The following NSD3 variants were observed in gnomAD, a reference collection of about 807,000 sequenced individuals.
NSD3 encodes histone-lysine N-methyltransferase NSD3.
In NSD3, 24 loss-of-function variants were observed where a neutral mutation model predicts 160.8. The observed-to-expected ratio is 0.15, with a 90% CI of 0.11 to 0.21. The LOEUF is 0.21. Ranked by LOEUF, NSD3 falls within the 10% of genes least tolerant of loss-of-function variation. The pLI, the probability that NSD3 is intolerant of heterozygous loss-of-function variation, is 1.00. For missense variants in NSD3, 1,157 were observed against 1,735.9 expected, an observed-to-expected ratio of 0.67 and a Z score of 5.93; for synonymous variants, 520 against 600.0, an observed-to-expected ratio of 0.87 and a Z score of 1.95.
At chr8:38,281,617 C>T (rs1341898395) in intron 19 of NSD3, 34 bp from the exon 20 acceptor site, 1 of 1,453,640 alleles carries the variant, frequency 6.9e-7, no homozygotes, top group Non-Finnish European at 9.5e-7. Context: ...AACTTAAAAT[C>T]AGTGTATTAT....
At chr8:38,293,143 A>G (rs1809046307) in intron 16 of NSD3, among the ~76,000 whole-genome samples, 1 of 151,822 alleles carries the variant, frequency 6.6e-6, no homozygotes, top group Non-Finnish European at 1.5e-5. Context: ...CTCAAAAAAA[A>G]AAAAAAAAAG....
At chr8:38,355,325 G>A (rs1399022325) in intron 1 of NSD3, among the ~76,000 whole-genome samples, 1 of 151,892 alleles carries the variant, frequency 6.6e-6, no homozygotes, top group African/African-American at 2.4e-5. Flanking sequence ...TTAAGACAGT[G>A]CCTGGCATAC....
intron 23 of NSD3, 72 bp from the exon 24 acceptor site, chr8:38,275,954 A>T (rs1808591310): frequency 7.3e-7 from 1 of 1,365,708 alleles, no homozygotes. Context: ...CCCATGAAAA[A>T]CCCAGGTTCC....
intron 1 of NSD3, 52 bp from the exon 2 acceptor site, chr8:38,348,267 A>G (rs2150384004): frequency 1.4e-6 from 2 of 1,385,726 alleles, no homozygotes; most frequent in Non-Finnish European, 1.9e-6. Context: ...CATAGGCTAG[A>G]GGCTAATCAA....
At chr8:38,281,064 T>A (rs914698733) in intron 20 of NSD3, among the ~76,000 whole-genome samples, 1 of 152,176 alleles carries the variant, frequency 6.6e-6, no homozygotes, top group Non-Finnish European at 1.5e-5. Context: ...CCGAAAAGTT[T>A]TAATATACAG....
At chr8:38,283,807 T>A (rs1291064478) in intron 19 of NSD3, among the ~76,000 whole-genome samples, 2 of 152,132 alleles carry the variant, frequency 1.3e-5, no homozygotes, top group South Asian at 4.1e-4. Context: ...GATATGGAAT[T>A]CAGTTAGAAA....
chr8:38,378,083 T>A (rs982890175), intron 1 of NSD3, among the ~76,000 whole-genome samples: 1 of 152,204 alleles, frequency 6.6e-6, no homozygotes, highest in African/African-American at 2.4e-5. Flanking sequence ...AATGCTAACT[T>A]TATTTTTTTA....
chr8:38,285,918 T>G (rs1257952406), intron 19 of NSD3, among the ~76,000 whole-genome samples: 1 of 152,118 alleles, frequency 6.6e-6, no homozygotes, highest in Non-Finnish European at 1.5e-5. Flanking sequence ...ACTCTAATGG[T>G]CTCCCTTTAT....
chr8:38,371,131 A>G (rs1811235458), intron 1 of NSD3, among the ~76,000 whole-genome samples: 1 of 152,058 alleles, frequency 6.6e-6, no homozygotes, highest in African/African-American at 2.4e-5. Flanking sequence ...ATATTACAAA[A>G]TAATATGGAT....
At chr8:38,359,513 G>C (rs778562907) in intron 1 of NSD3, among the ~76,000 whole-genome samples, 5 of 152,144 alleles carry the variant, frequency 3.3e-5, no homozygotes, top group Non-Finnish European at 7.4e-5. Flanking sequence ...GTGGACTTCT[G>C]GAGGAAACAA....
Position 38,365,079 on chromosome 8 carries a change from G to A in NSD3, c.-45+16720C>T, listed in dbSNP as rs139968215. On this transcript the variant is annotated intron_variant, in intron 1 of 23. Transcript: ENST00000317025. ...GTTTGTTTCCCTTTTCCAGCTCCAT[G>A]AGGCAGATAGAATTTATTTAGTATA... Among the ~76,000 whole-genome samples, 419 of 152,264 alleles carry A rather than the reference G, an allele frequency of 2.8e-3. 1 individual carries two copies. The highest frequency in any genetic ancestry group is 9.8e-3 in the African/African-American group (409 of 41,538).
intron 19 of NSD3, among the ~76,000 whole-genome samples, chr8:38,284,462 C>T (rs760847814): frequency 1.6e-4 from 25 of 152,194 alleles, no homozygotes; most frequent in Admixed American, 1.2e-3. Context: ...GATCTTGGCC[C>T]ACTGCAACCT....
intron 1 of NSD3, among the ~76,000 whole-genome samples, chr8:38,378,127 A>G (rs372444040): frequency 7.2e-5 from 11 of 152,272 alleles, no homozygotes; most frequent in African/African-American, 2.4e-4. Context: ...TGAATATGTG[A>G]ATAACTTTTT....
chr8:38,298,010 T>C (rs1416857423), intron 15 of NSD3, among the ~76,000 whole-genome samples: 1 of 151,998 alleles, frequency 6.6e-6, no homozygotes, highest in Non-Finnish European at 1.5e-5. Flanking sequence ...AAAATCATCA[T>C]GATAAAGATG....
In NSD3 at chr8:38,350,971, TTC is replaced by T. The variant is rs1299194570; in HGVS notation, c.-44-2758_-44-2757del. Among the ~76,000 whole-genome samples, 16 of 142,598 alleles carry T rather than the reference TTC, an allele frequency of 1.1e-4. 1 individual carries two copies. Among genetic ancestry groups the T allele is most frequent in the Admixed American group, 7.1e-4 (10 of 14,086 alleles). The allele number at this position is 142,598 out of a possible 152,430, so 93.5% of individuals were successfully genotyped here. A position where few individuals can be genotyped will look rare whatever the true frequency, so the allele number is the denominator to read the frequency against. On this transcript the variant is annotated intron_variant, in intron 1 of 23. Transcript: ENST00000317025. Reference sequence around the variant, plus strand: ...TCCAACAAACATTTCTTCTAGAAAGTTCTTTTTTTTTTTTTTTTGAGATGGAG... The same window carrying T: ...TCCAACAAACATTTCTTCTAGAAAGTTTTTTTTTTTTTTTTTGAGATGGAG...
chr8:38,317,791 A>AG lies in NSD3; in HGVS notation c.1855+1103_1855+1104insC. On this transcript the variant is annotated intron_variant, in intron 9 of 23. Transcript: ENST00000317025. This position sits in a 1 kb window ranked among gnomAD's most constrained non-coding sequence, Gnocchi z 5.3. ...AAAAAAATCATTTGACTGTTAAAGC[A>AG]ATTGTTCAGAGTCTTGAAGAAGAAA... is the stretch of plus-strand genomic sequence containing the variant. The AG allele has an allele frequency of 7.0e-7, 1 of 1,437,984 alleles. No individual in the cohort carries two copies. The highest frequency in any genetic ancestry group is 9.1e-7 in the Non-Finnish European group (1 of 1,100,118). The allele number at this position is 1,437,984 out of a possible 1,614,324, so 89.1% of individuals were successfully genotyped here.
chr8:38,379,576 G>C (rs1007534138), intron 1 of NSD3, among the ~76,000 whole-genome samples: 35 of 151,590 alleles, frequency 2.3e-4, no homozygotes, highest in Admixed American at 3.9e-4. Context: ...AAGCTGAGAG[G>C]GTGCTTTTAG....
In NSD3 at chr8:38,321,764, G is replaced by C. The variant is rs1224893657; in HGVS notation, c.1709-592C>G. ...CATTAATTTGACTATCAAGGGATCT[G>C]TTATACTCTGGAAATAATTAGTCGT... On this transcript the variant is annotated intron_variant, in intron 7 of 23. Transcript: ENST00000317025. The surrounding 1 kb of genome is among the most constrained non-coding windows in gnomAD (Gnocchi z 4.7). 1.3e-5 allele frequency among the ~76,000 whole-genome samples: 2 copies of C among 152,170 alleles called. No homozygotes were observed. The highest frequency in any genetic ancestry group is 2.9e-5 in the Non-Finnish European group (2 of 68,022).
At chr8:38,345,897 G>A (rs933512063) in intron 2 of NSD3, among the ~76,000 whole-genome samples, 2 of 152,046 alleles carry the variant, frequency 1.3e-5, no homozygotes, top group African/African-American at 2.4e-5. Flanking sequence ...CAATAAGAGT[G>A]AAACTCCGTC....
Sources: allele counts gnomAD v4.1 joint callset (sites outside exome capture counted in the v4.1 genomes callset), GRCh38; gene constraint gnomAD v4.1.1; non-coding constraint Gnocchi (gnomAD v3.1); transcripts MANE v1.5; gene names NCBI Gene and HGNC (gene_info 2026-07-23, HGNC 2026-07-21).